The following GPHN variants were observed in gnomAD, a reference collection of about 807,000 sequenced individuals.
GPHN encodes the protein gephyrin.
A neutral mutation model predicts 95.5 loss-of-function variants in GPHN; 17 were observed. The ratio of observed to expected loss-of-function variants is 0.18; its 90% CI spans 0.12 to 0.27. The LOEUF (loss-of-function observed/expected upper bound fraction) is 0.27, where lower values mean the gene tolerates loss of function less well. Among genes scored for constraint, GPHN ranks in the 10% least tolerant of loss-of-function variants. GPHN has a pLI of 1.00. For missense variants in GPHN, 660 were observed against 978.1 expected (o/e 0.67, Z 4.34); for synonymous variants, 320 against 322.5 (o/e 0.99, Z 0.08).
At chr14:66,659,565 G>C (rs1234649976) in intron 1 of GPHN, among the ~76,000 whole-genome samples, 2 of 151,776 alleles carry the variant, frequency 1.3e-5, no homozygotes, top group African/African-American at 4.8e-5. Context: ...ATTTTTTCAG[G>C]TATATCAGTT....
At chr14:66,961,138 A>G (rs1398519328) in intron 8 of GPHN, among the ~76,000 whole-genome samples, 1 of 152,124 alleles carries the variant, frequency 6.6e-6, no homozygotes, top group East Asian at 1.9e-4. Flanking sequence ...TCCTTCTGGT[A>G]CTACAGACCT....
rs1192951627 is a variant in GPHN, at chr14:66,932,454, T to TGTTTG, written c.828+8162_828+8163insGTTTG. On this transcript the variant is annotated intron_variant, in intron 8 of 22. Transcript: ENST00000478722. ...TCCTGCCAAGACCAGGTTTTTTTTT[T>TGTTTG]TTTTTTTTTTTTTTTTTTTTTTTTT... 4.4e-4 allele frequency among the ~76,000 whole-genome samples: 48 copies of TGTTTG among 109,846 alleles called. 1 individual carries two copies. Among genetic ancestry groups the TGTTTG allele is most frequent in the Non-Finnish European group, 7.9e-4 (39 of 49,290 alleles). The allele number at this position is 109,846 out of a possible 152,430, so 72.1% of individuals were successfully genotyped here. A position where few individuals can be genotyped will look rare whatever the true frequency, so the allele number is the denominator to read the frequency against.
chr14:66,678,052 A>G (rs1455934186), intron 1 of GPHN, among the ~76,000 whole-genome samples: 2 of 151,960 alleles, frequency 1.3e-5, no homozygotes, highest in Non-Finnish European at 2.9e-5. Flanking sequence ...TGGCAGTTTG[A>G]GAGATATATG....
the GPHN span, chr14:67,620,014 A>G: frequency 6.2e-7 from 1 of 1,610,730 alleles, no homozygotes; most frequent in Non-Finnish European, 8.5e-7. Flanking sequence ...TCTCCTCCAG[A>G]CGCGAGTGCA....
At chr14:66,635,414 T>C (rs2064043054) in intron 1 of GPHN, among the ~76,000 whole-genome samples, 1 of 152,142 alleles carries the variant, frequency 6.6e-6, no homozygotes, top group Non-Finnish European at 1.5e-5. Flanking sequence ...ACTTTGAAAC[T>C]TTGAAAGATT....
the GPHN span, among the ~76,000 whole-genome samples, chr14:67,429,291 C>A: frequency 6.7e-6 from 1 of 149,372 alleles, no homozygotes; most frequent in Non-Finnish European, 1.5e-5. Flanking sequence ...CGTGCAGTGG[C>A]GTGATCTTGG....
intron 3 of GPHN, among the ~76,000 whole-genome samples, chr14:66,788,908 A>C (rs1226103319): frequency 1.3e-5 from 2 of 152,076 alleles, no homozygotes; most frequent in Non-Finnish European, 2.9e-5. Context: ...CAAACTCCTG[A>C]CCTCAGGTGA....
chr14:66,994,890 T>C (rs1367387319), intron 9 of GPHN, among the ~76,000 whole-genome samples: 1 of 152,188 alleles, frequency 6.6e-6, no homozygotes, highest in Admixed American at 6.5e-5. Context: ...TGAGCATTAT[T>C]TCATCAGTTC....
At chr14:67,073,476 A>G (rs2076384495) in intron 11 of GPHN, among the ~76,000 whole-genome samples, 1 of 152,122 alleles carries the variant, frequency 6.6e-6, no homozygotes, top group Non-Finnish European at 1.5e-5. Flanking sequence ...CTTCCTAAAA[A>G]CGTACCCCTT....
At chr14:66,815,888 T>C (rs1361259250) in intron 3 of GPHN, among the ~76,000 whole-genome samples, 1 of 152,102 alleles carries the variant, frequency 6.6e-6, no homozygotes, top group African/African-American at 2.4e-5. Context: ...CCGAGACCCA[T>C]TGATATGCTG....
At chr14:66,945,905 A>G (rs2067718607) in intron 8 of GPHN, among the ~76,000 whole-genome samples, 1 of 152,238 alleles carries the variant, frequency 6.6e-6, no homozygotes, top group Non-Finnish European at 1.5e-5. Flanking sequence ...TGCTTAAAGA[A>G]CAAACTTTTG....
chr14:66,632,212 TTGG>T (rs1462738196), intron 1 of GPHN, among the ~76,000 whole-genome samples: 1 of 152,170 alleles, frequency 6.6e-6, no homozygotes, highest in Non-Finnish European at 1.5e-5. Context: ...AGTGATGCAC[TTGG>T]TACAGTGCCT....
the GPHN span, chr14:67,562,415 G>A: frequency 6.2e-7 from 1 of 1,613,918 alleles, no homozygotes; most frequent in Non-Finnish European, 8.5e-7. Flanking sequence ...TCTGGGAAGA[G>A]AGAGCCCTCC....
chr14:67,029,339 C>CTT (rs71446327), intron 10 of GPHN, among the ~76,000 whole-genome samples: 23 of 139,170 alleles, frequency 1.7e-4, no homozygotes, highest in Non-Finnish European at 2.7e-4. Context: ...TATCATTATT[C>CTT]TTTTTTTTTT....
the GPHN span, chr14:67,360,220 C>T: frequency 0.01 from 4,161 of 400,838 alleles, 153 homozygotes; most frequent in African/African-American, 0.077. Context: ...TTTTCAGGTC[C>T]TTCCATGATC....
chr14:67,001,991 A>T (rs771991402), intron 9 of GPHN, among the ~76,000 whole-genome samples: 5 of 151,682 alleles, frequency 3.3e-5, no homozygotes, highest in Non-Finnish European at 5.9e-5. Flanking sequence ...AAGTAGAATT[A>T]TCAATTTTCC....
the GPHN span, among the ~76,000 whole-genome samples, chr14:67,204,207 C>T: frequency 2.0e-5 from 3 of 152,078 alleles, no homozygotes; most frequent in Admixed American, 6.6e-5. Flanking sequence ...GAAGCCAAGG[C>T]AGGTGAATTG....
intron 18 of GPHN, among the ~76,000 whole-genome samples, chr14:67,144,941 C>A (rs2080813497): frequency 6.6e-6 from 1 of 152,152 alleles, no homozygotes; most frequent in South Asian, 2.1e-4. Flanking sequence ...AGACAAATTG[C>A]TGGATTAGTG....
the GPHN span, among the ~76,000 whole-genome samples, chr14:67,219,651 A>T: frequency 1.1e-3 from 160 of 152,328 alleles, no homozygotes; most frequent in African/African-American, 3.6e-3. Context: ...TATTATGATC[A>T]TTATTAGAAA....
Sources: gnomAD v4.1 joint callset for allele counts (sites outside exome capture counted in the v4.1 genomes callset) on GRCh38, gnomAD v4.1.1 for gene constraint, MANE v1.5 for transcripts, NCBI Gene and HGNC (gene_info 2026-07-23, HGNC 2026-07-21) for gene names.